The following NRG1 variants were observed in gnomAD, a reference collection of about 807,000 sequenced individuals.
NRG1 encodes the protein neuregulin 1, also known as pro-neuregulin-1, membrane-bound isoform.
In NRG1, 18 loss-of-function variants were observed where a neutral mutation model predicts 63.8. That is an observed-to-expected ratio of 0.28 (90% confidence interval 0.19 to 0.42). NRG1 has a LOEUF of 0.42. Ranked by LOEUF, NRG1 falls within the 10% of genes least tolerant of loss-of-function variation. The pLI, the probability that NRG1 is intolerant of heterozygous loss-of-function variation, is 1.00. For synonymous variants in NRG1, 302 were observed against 301.3 expected, an observed-to-expected ratio of 1.00 and a Z score of -0.02; for missense variants, 762 against 814.7, an observed-to-expected ratio of 0.94 and a Z score of 0.79.
intron 1 of NRG1, among the ~76,000 whole-genome samples, chr8:31,733,319 C>T (rs1217208311): frequency 6.6e-6 from 1 of 151,986 alleles, no homozygotes; most frequent in African/African-American, 2.4e-5. Context: ...ATTTCTCTTC[C>T]TTTGGGAAAA....
chr8:32,388,786 A>C (rs892325928), intron 1 of NRG1, among the ~76,000 whole-genome samples: 2 of 152,208 alleles, frequency 1.3e-5, no homozygotes, highest in African/African-American at 4.8e-5. Flanking sequence ...ATAAATTAGT[A>C]ATAATAAAAA....
intron 1 of NRG1, among the ~76,000 whole-genome samples, chr8:31,835,506 G>A (rs536131524): frequency 2.0e-5 from 3 of 152,274 alleles, no homozygotes; most frequent in South Asian, 2.1e-4. Context: ...ATATTTCAGC[G>A]ATGATAATGA....
chr8:32,366,832 T>C (rs991089429), intron 1 of NRG1, among the ~76,000 whole-genome samples: 1 of 151,306 alleles, frequency 6.6e-6, no homozygotes, highest in Non-Finnish European at 1.5e-5. Context: ...TGCCTCAGTC[T>C]CCCAAAAAGC....
intron 1 of NRG1, among the ~76,000 whole-genome samples, chr8:32,215,976 G>C (rs551300977): frequency 6.6e-6 from 1 of 151,932 alleles, no homozygotes; most frequent in Non-Finnish European, 1.5e-5. Context: ...GGGAAGCAGA[G>C]GTTGCAGTGA....
At chr8:32,593,852 G>A (rs542781103) in intron 1 of NRG1, among the ~76,000 whole-genome samples, 4 of 92,000 alleles carry the variant, frequency 4.3e-5, no homozygotes, top group Admixed American at 2.4e-4. Context: ...TTTTCAAGGT[G>A]TCAAAAAAAA....
chr8:32,083,413 G>A (rs1335839138), intron 1 of NRG1, among the ~76,000 whole-genome samples: 9 of 152,214 alleles, frequency 5.9e-5, no homozygotes, highest in African/African-American at 2.2e-4. Flanking sequence ...GGGTATGTGT[G>A]TTGCAGGTTG....
intron 1 of NRG1, among the ~76,000 whole-genome samples, chr8:32,035,564 G>T (rs1021227436): frequency 2.6e-5 from 4 of 152,170 alleles, no homozygotes; most frequent in Non-Finnish European, 4.4e-5. Context: ...CACAATTATT[G>T]TGTGGGAGTC....
intron 1 of NRG1, among the ~76,000 whole-genome samples, chr8:32,213,964 T>C (rs1262878884): frequency 2.0e-5 from 3 of 151,978 alleles, no homozygotes; most frequent in African/African-American, 7.3e-5. Flanking sequence ...GAACTTTGAG[T>C]TTCTAGGGTG....
At chr8:32,496,333 C>T (rs893087419) in intron 1 of NRG1, among the ~76,000 whole-genome samples, 20 of 152,168 alleles carry the variant, frequency 1.3e-4, no homozygotes, top group African/African-American at 4.3e-4. Context: ...AAAAGATTGG[C>T]CAGTTATGGT....
intron 1 of NRG1, among the ~76,000 whole-genome samples, chr8:32,554,007 C>CA (rs1161532784): frequency 6.6e-6 from 1 of 152,150 alleles, no homozygotes; most frequent in Non-Finnish European, 1.5e-5. Context: ...GATAGTTTAT[C>CA]ATGTTCTGTT....
intron 1 of NRG1, among the ~76,000 whole-genome samples, chr8:31,846,635 A>G (rs777900351): frequency 3.3e-5 from 5 of 152,218 alleles, no homozygotes; most frequent in Non-Finnish European, 7.3e-5. Flanking sequence ...CTGGAACATA[A>G]TGTACAATGG....
At chr8:31,775,756 G>T (rs1375049048) in intron 1 of NRG1, among the ~76,000 whole-genome samples, 1 of 151,708 alleles carries the variant, frequency 6.6e-6, no homozygotes, top group Non-Finnish European at 1.5e-5. Context: ...GATGGTGGGT[G>T]CCTGTAGTCC....
At chr8:32,370,612 C>T (rs1808687968) in intron 1 of NRG1, among the ~76,000 whole-genome samples, 1 of 152,086 alleles carries the variant, frequency 6.6e-6, no homozygotes. Flanking sequence ...AATCCCAACA[C>T]TTTGGGAGAC....
intron 1 of NRG1, among the ~76,000 whole-genome samples, chr8:32,528,228 C>T (rs60881340): frequency 0.12 from 17,862 of 152,154 alleles, 1,283 homozygotes; most frequent in Admixed American, 0.24. Context: ...TATATGACTA[C>T]GTGAAAGTAC....
chr8:32,517,115 G>A (rs1040839771), intron 1 of NRG1, among the ~76,000 whole-genome samples: 4 of 152,018 alleles, frequency 2.6e-5, no homozygotes, highest in African/African-American at 9.7e-5. Context: ...CACCTATTTG[G>A]GGCTTATTTT....
chr8:32,074,278 C>T (rs1826176135), intron 1 of NRG1, among the ~76,000 whole-genome samples: 1 of 152,160 alleles, frequency 6.6e-6, no homozygotes. Context: ...GCTGTCACCT[C>T]TTGCTGCTGT....
intron 1 of NRG1, among the ~76,000 whole-genome samples, chr8:32,508,376 C>T (rs1273137147): frequency 2.6e-5 from 4 of 151,806 alleles, no homozygotes; most frequent in African/African-American, 9.7e-5. Flanking sequence ...CTGCAACCTC[C>T]ACCTCCCAGG....
intron 1 of NRG1, among the ~76,000 whole-genome samples, chr8:32,326,264 T>C (rs1802002315): frequency 2.0e-5 from 3 of 150,590 alleles, no homozygotes; most frequent in Admixed American, 2.0e-4. Context: ...GACCTTGGTC[T>C]CCCAAAGTGC....
At chr8:31,836,618 A>G (rs1825713071) in intron 1 of NRG1, among the ~76,000 whole-genome samples, 1 of 152,054 alleles carries the variant, frequency 6.6e-6, no homozygotes, top group Non-Finnish European at 1.5e-5. Flanking sequence ...GTGAGTACAC[A>G]AAAAGGGTAC....
Sources: allele counts gnomAD v4.1 joint callset (sites outside exome capture counted in the v4.1 genomes callset), GRCh38; gene constraint gnomAD v4.1.1; transcripts MANE v1.5; gene names NCBI Gene and HGNC (gene_info 2026-07-23, HGNC 2026-07-21).